Variants in WWC1 observed in about 807,000 individuals in gnomAD.
WWC1 encodes the protein WW and C2 domain containing 1.
In WWC1, 55 loss-of-function variants were observed where a neutral mutation model predicts 138.4. The observed-to-expected ratio is 0.40, with a 90% CI of 0.32 to 0.50. WWC1 has a LOEUF of 0.50. Ranked by LOEUF, WWC1 falls within the 20% of genes least tolerant of loss-of-function variation. The pLI is 0.72. For missense variants in WWC1, 1,226 were observed against 1,420.4 expected, an observed-to-expected ratio of 0.86 and a Z score of 2.20; for synonymous variants, 524 against 564.9, an observed-to-expected ratio of 0.93 and a Z score of 1.03.
At chr5:168,406,998 C>G (rs568262579) in intron 6 of WWC1, among the ~76,000 whole-genome samples, 1 of 151,810 alleles carries the variant, frequency 6.6e-6, no homozygotes, top group East Asian at 1.9e-4. Flanking sequence ...CTATGTTGCT[C>G]AGGCTGGTCT....
At chr5:168,325,228 C>T (rs1002537505) in intron 1 of WWC1, among the ~76,000 whole-genome samples, 2 of 152,222 alleles carry the variant, frequency 1.3e-5, no homozygotes, top group Non-Finnish European at 2.9e-5. Context: ...ACAGCTCCCA[C>T]AGGGTACCCC....
chr5:168,353,827 G>A (rs1281517259), intron 1 of WWC1, among the ~76,000 whole-genome samples: 1 of 152,196 alleles, frequency 6.6e-6, no homozygotes, highest in African/African-American at 2.4e-5. Context: ...AGTCCAGCAT[G>A]CACGGATTTC....
At chr5:168,394,371 A>G (rs1778729054) in intron 3 of WWC1, among the ~76,000 whole-genome samples, 1 of 152,250 alleles carries the variant, frequency 6.6e-6, no homozygotes, top group East Asian at 1.9e-4. Flanking sequence ...AATAAAAACT[A>G]AAAATTAAGA....
intron 1 of WWC1, among the ~76,000 whole-genome samples, chr5:168,300,952 G>A (rs1770015441): frequency 6.6e-6 from 1 of 152,170 alleles, no homozygotes; most frequent in South Asian, 2.1e-4. Context: ...TGGAGAGTCG[G>A]GCTGTGAGCA....
Position 168,431,362 on chromosome 5 carries a change from C to G in WWC1, c.2198C>G (p.Ser733Cys), listed in dbSNP as rs1184849583. 12 of 1,614,016 alleles carry G rather than the reference C, an allele frequency of 7.4e-6. No homozygotes were observed. The highest frequency in any genetic ancestry group is 1.0e-5 in the Non-Finnish European group (12 of 1,180,034). Residue 733 changes from serine (S) to cysteine (C), a missense_variant, in exon 15 of 23, where the codon TCC becomes TGC. By Grantham distance (112) the Ser-to-Cys change is moderately radical. Transcript: ENST00000265293. ...TLVFNEVFWV[S>C]MSYPALHQKT... The stretch of plus-strand genomic sequence containing the variant: ...GTGTTCAATGAGGTGTTCTGGGTAT[C>G]CATGTCCTATCCAGCCCTTCACCAG...
At chr5:168,305,576 G>GT (rs1212267946) in intron 1 of WWC1, among the ~76,000 whole-genome samples, 1 of 152,166 alleles carries the variant, frequency 6.6e-6, no homozygotes, top group African/African-American at 2.4e-5. Context: ...TTTGGATTCT[G>GT]TTTCTGGCCC....
intron 17 of WWC1, among the ~76,000 whole-genome samples, chr5:168,451,039 G>A (rs1755763958): frequency 1.3e-5 from 2 of 152,020 alleles, no homozygotes; most frequent in Admixed American, 1.3e-4. Context: ...TTTTGAGACA[G>A]AGTTTTGCTC....
chr5:168,365,440 A>G (rs1683596245), intron 1 of WWC1, among the ~76,000 whole-genome samples: 1 of 152,176 alleles, frequency 6.6e-6, no homozygotes, highest in African/African-American at 2.4e-5. Context: ...AACATGAAAG[A>G]TAGGGTATGC....
At chr5:168,465,064 A>G (rs1757144578) in intron 21 of WWC1, 102 bp downstream of exon 21, 1 of 1,461,966 alleles carries the variant, frequency 6.8e-7, no homozygotes, top group Non-Finnish European at 9.1e-7. Context: ...TGCATCCTAC[A>G]ATTCCCACCA....
intron 8 of WWC1, among the ~76,000 whole-genome samples, chr5:168,412,359 T>C (rs1780293812): frequency 6.6e-6 from 1 of 152,232 alleles, no homozygotes; most frequent in Non-Finnish European, 1.5e-5. Flanking sequence ...GGTCTGATCA[T>C]TGGATGTCAA....
intron 5 of WWC1, among the ~76,000 whole-genome samples, chr5:168,400,819 T>TGA (rs150418543): frequency 0.012 from 1,237 of 103,212 alleles, 17 homozygotes; most frequent in African/African-American, 0.038. Context: ...CTTGAAAGAA[T>TGA]GAGAGAGAGA....
intron 3 of WWC1, among the ~76,000 whole-genome samples, chr5:168,396,344 C>A (rs1360110764): frequency 6.6e-6 from 1 of 152,052 alleles, no homozygotes; most frequent in African/African-American, 2.4e-5. Context: ...GACTGTGCCA[C>A]TGCACTGCAG....
intron 11 of WWC1, among the ~76,000 whole-genome samples, chr5:168,426,936 G>A (rs562414252): frequency 5.9e-5 from 9 of 152,222 alleles, no homozygotes; most frequent in African/African-American, 9.6e-5. Flanking sequence ...CTGGCACATC[G>A]TGAGTGATCA....
intron 1 of WWC1, among the ~76,000 whole-genome samples, chr5:168,365,481 G>A (rs1776214297): frequency 6.6e-6 from 1 of 152,208 alleles, no homozygotes; most frequent in Non-Finnish European, 1.5e-5. Flanking sequence ...TCACCACCCA[G>A]TATTAAACTT....
At chr5:168,303,349 C>G (rs538321413) in intron 1 of WWC1, among the ~76,000 whole-genome samples, 2 of 152,264 alleles carry the variant, frequency 1.3e-5, no homozygotes, top group East Asian at 3.9e-4. Context: ...ATAATCCTAG[C>G]ACTTTGGGAG....
At chr5:168,378,719 A>C (rs1777408564) in intron 2 of WWC1, among the ~76,000 whole-genome samples, 1 of 152,230 alleles carries the variant, frequency 6.6e-6, no homozygotes, top group Non-Finnish European at 1.5e-5. Context: ...TGTTTTCCTC[A>C]GACCTTCATC....
At chr5:168,397,136 T>C (rs777387137) in intron 3 of WWC1, among the ~76,000 whole-genome samples, 2 of 152,052 alleles carry the variant, frequency 1.3e-5, no homozygotes, top group Non-Finnish European at 2.9e-5. Flanking sequence ...ATTTTCCAAA[T>C]TTAAATTATT....
intron 1 of WWC1, among the ~76,000 whole-genome samples, chr5:168,311,817 C>T (rs899453281): frequency 1.3e-5 from 2 of 151,426 alleles, no homozygotes; most frequent in Non-Finnish European, 2.9e-5. Flanking sequence ...GCAGAGGTTG[C>T]AGTAAGCCGA....
chr5:168,410,019 G>A lies in WWC1; in HGVS notation c.941+24G>A, dbSNP rs200870892. 52 of 1,612,050 alleles carry A rather than the reference G, an allele frequency of 3.2e-5. 1 individual carries two copies. In the East Asian group the frequency reaches 5.1e-4, roughly 16 times the overall value. ...AGGTAATTGGGCTGGGGCTAGGGGCGGGATGGTTCCAAAAATAATAACTAC... is the reference window on the plus strand; with the variant it reads ...AGGTAATTGGGCTGGGGCTAGGGGCAGGATGGTTCCAAAAATAATAACTAC... On this transcript the variant is annotated intron_variant, in intron 8 of 22. Transcript: ENST00000265293.
Sources: gnomAD v4.1 joint callset for allele counts (sites outside exome capture counted in the v4.1 genomes callset) on GRCh38, gnomAD v4.1.1 for gene constraint, MANE v1.5 for transcripts, NCBI Gene and HGNC (gene_info 2026-07-23, HGNC 2026-07-21) for gene names.